The following DTD2 variants were observed in gnomAD, a reference collection of about 807,000 sequenced individuals.
DTD2 encodes the protein D-tyrosyl-tRNA deacylase 2 (putative).
Under a neutral mutation model 15.5 loss-of-function variants are expected in DTD2, and 12 were observed. That is an observed-to-expected ratio of 0.77 (90% CI 0.50 to 1.25). The LOEUF is 1.25. DTD2 is among the 50% of genes most tolerant of loss of function. The pLI is 0.00. For missense variants in DTD2, 170 were observed against 201.1 expected, an observed-to-expected ratio of 0.85 and a Z score of 0.93; for synonymous variants, 59 against 77.3, an observed-to-expected ratio of 0.76 and a Z score of 1.24.
intron 1 of DTD2, 91 bp from the exon 2 acceptor site, chr14:31,453,435 A>G: frequency 9.3e-7 from 1 of 1,073,154 alleles, no homozygotes; most frequent in Non-Finnish European, 1.4e-6. Context: ...TATTAATATT[A>G]TAGACATAGA....
In DTD2 at chr14:31,453,327, C is replaced by CT; in HGVS notation, c.128_129insA (p.Ile44AspfsTer10). The CT allele has an allele frequency of 6.2e-7, 1 of 1,614,020 alleles. No homozygotes were observed. Among genetic ancestry groups the CT allele is most frequent in the South Asian group, 1.1e-5 (1 of 91,086 alleles). On this transcript the variant is annotated frameshift_variant, in exon 2 of 3. Coordinates refer to ENST00000310850, the MANE Select transcript of DTD2 (RefSeq NM_080664.3). LOFTEE classifies it high-confidence loss of function. ...CTCCCTTGAAAAAGCACACGTAGAT[C>CT]ACCAGTCCTCTTTGGACCTATGAGA...
At chr14:31,457,231 A>G (rs1299322961) in intron 1 of DTD2, 52 bp downstream of exon 1, 3 of 1,512,900 alleles carry the variant, frequency 2.0e-6, no homozygotes, top group African/African-American at 2.8e-5. Flanking sequence ...ACAACGCGGA[A>G]AAAACCGCCC....
intron 1 of DTD2, among the ~76,000 whole-genome samples, chr14:31,454,878 A>G (rs2032078053): frequency 6.6e-6 from 1 of 152,264 alleles, no homozygotes; most frequent in African/African-American, 2.4e-5. Context: ...AAAGTTCTAA[A>G]TGAATGAAAC....
intron 2 of DTD2, among the ~76,000 whole-genome samples, chr14:31,451,754 A>G (rs1002436280): frequency 6.6e-6 from 1 of 152,184 alleles, no homozygotes; most frequent in African/African-American, 2.4e-5. Flanking sequence ...GCCCATTTGT[A>G]TAATTAATAT....
intron 2 of DTD2, among the ~76,000 whole-genome samples, chr14:31,448,663 CATG>C (rs2031992310): frequency 1.3e-5 from 2 of 152,132 alleles, no homozygotes; most frequent in Non-Finnish European, 1.5e-5. Context: ...CAGAAAATGG[CATG>C]ATATTTTAAA....
chr14:31,454,009 T>G (rs2032069216), intron 1 of DTD2, among the ~76,000 whole-genome samples: 1 of 152,220 alleles, frequency 6.6e-6, no homozygotes, highest in South Asian at 2.1e-4. Flanking sequence ...CTTGGATATT[T>G]CTTAGATCTT....
rs904499470 is a variant in DTD2 at position 31,446,363 on chromosome 14, G to C, written c.*1766C>G. ...AAAAAAGTATTTTCAACTCAAGTCAGAGGAGTTTGCCAAAACTGAATATTA... is the reference window on the plus strand; with the variant it reads ...AAAAAAGTATTTTCAACTCAAGTCACAGGAGTTTGCCAAAACTGAATATTA... On this transcript the variant is annotated 3_prime_UTR_variant, in exon 3 of 3. Coordinates refer to ENST00000310850, the MANE Select transcript of DTD2 (RefSeq NM_080664.3). The C allele has an allele frequency of 2.4e-4, 37 of 151,922 alleles. No homozygotes were observed. The highest frequency in any genetic ancestry group is 3.3e-4 in the Admixed American group (5 of 15,248). 9.4% of individuals were successfully genotyped at this position (151,922 alleles called of 1,614,324 possible).
At chr14:31,449,304 A>G (rs2032002343) in intron 2 of DTD2, among the ~76,000 whole-genome samples, 1 of 152,242 alleles carries the variant, frequency 6.6e-6, no homozygotes, top group Non-Finnish European at 1.5e-5. Context: ...CAATCCCAAT[A>G]TAAACCAGCT....
rs12432479 is a variant in DTD2, at chr14:31,454,305, C to T, written c.112-961G>A. Among the ~76,000 whole-genome samples the T allele has an allele frequency of 9.9e-4, 150 of 152,268 alleles. 1 individual carries two copies. Among genetic ancestry groups the T allele is most frequent in the Middle Eastern group, 3.4e-3 (1 of 294 alleles). ...AGCACTTTACAGGCTGTTTTGTACA[C>T]GATAGGGATTCAGTTTATCTGTTGA... On this transcript the variant is annotated intron_variant, in intron 1 of 2. Transcript: ENST00000310850.
At chr14:31,448,997 G>A (rs888260630) in intron 2 of DTD2, among the ~76,000 whole-genome samples, 2 of 152,132 alleles carry the variant, frequency 1.3e-5, no homozygotes, top group African/African-American at 4.8e-5. Context: ...GGGTTCAAGC[G>A]ATTCTCCTGC....
Position 31,453,493 on chromosome 14 carries a change from A to G in DTD2, c.112-149T>C, listed in dbSNP as rs1241362778. 4 of 610,432 alleles carry G rather than the reference A, an allele frequency of 6.6e-6. No individual in the cohort carries two copies. The African/African-American group carries it at 7.4e-5, about 11-fold the overall frequency. The allele number at this position is 610,432 out of a possible 1,614,324, so 37.8% of individuals were successfully genotyped here. ...CTTTACAAAAGATTTCTCATGTGAG[A>G]AAACAAAATATTTTTCAATTTTCAA... On this transcript the variant is annotated intron_variant, in intron 1 of 2. Transcript: ENST00000310850.
At chr14:31,450,130 T>C (rs548162981) in intron 2 of DTD2, among the ~76,000 whole-genome samples, 14 of 152,280 alleles carry the variant, frequency 9.2e-5, no homozygotes, top group Admixed American at 3.3e-4. Flanking sequence ...ACAGAGTAAA[T>C]AGGCAATTTT....
intron 2 of DTD2, among the ~76,000 whole-genome samples, chr14:31,451,449 C>T (rs570527500): frequency 5.4e-4 from 82 of 151,168 alleles, no homozygotes; most frequent in African/African-American, 1.9e-3. Context: ...CGCCTGGCCT[C>T]TCTCTCTCTC....
At chr14:31,457,229 G>GA (rs892934621) in intron 1 of DTD2, 54 bp downstream of exon 1, 118 of 1,506,588 alleles carry the variant, frequency 7.8e-5, no homozygotes, top group Non-Finnish European at 1.0e-4. Flanking sequence ...AGACAACGCG[G>GA]AAAAAACCGC....
At chr14:31,457,259 C>G (rs761679506) in intron 1 of DTD2, 24 bp downstream of exon 1, 1 of 1,547,928 alleles carries the variant, frequency 6.5e-7, no homozygotes, top group Non-Finnish European at 8.7e-7. Context: ...CGGAGGATAA[C>G]GAGAGCTGCC....
chr14:31,450,888 T>G (rs2139361221), intron 2 of DTD2, among the ~76,000 whole-genome samples: 1 of 152,336 alleles, frequency 6.6e-6, no homozygotes, highest in Non-Finnish European at 1.5e-5. Flanking sequence ...ACATGTGGTT[T>G]GGATATGATA....
In DTD2 at chr14:31,457,397, T is replaced by G. The variant is rs1185667399; in HGVS notation, c.-4A>C. The G allele has an allele frequency of 1.5e-5, 23 of 1,501,404 alleles. No homozygotes were observed. Among genetic ancestry groups the G allele is most frequent in the Non-Finnish European group, 2.1e-5 (23 of 1,121,472 alleles). 93.0% of individuals were successfully genotyped at this position (1,501,404 alleles called of 1,614,324 possible). The stretch of plus-strand genomic sequence containing the variant: ...GAATCCGGCTACCCTCAGCCATGGC[T>G]TAAGCCAGCGCCGCGGCCGGACAGT... On this transcript the variant is annotated 5_prime_UTR_variant, in exon 1 of 3. Coordinates refer to ENST00000310850, the MANE Select transcript of DTD2 (RefSeq NM_080664.3).
chr14:31,457,413 G>C lies in DTD2; in HGVS notation c.-20C>G. 6.8e-7 allele frequency: 1 copy of C among 1,464,152 alleles called. No homozygotes were observed. Among genetic ancestry groups the C allele is most frequent in the South Asian group, 1.4e-5 (1 of 73,954 alleles). The allele number at this position is 1,464,152 out of a possible 1,614,324, so 90.7% of individuals were successfully genotyped here. On this transcript the variant is annotated 5_prime_UTR_variant, in exon 1 of 3. Transcript: ENST00000310850. ...AGCCATGGCTTAAGCCAGCGCCGCGGCCGGACAGTTACTAGGCCATGTGTC... is the reference window on the plus strand; with the variant it reads ...AGCCATGGCTTAAGCCAGCGCCGCGCCCGGACAGTTACTAGGCCATGTGTC...
chr14:31,457,196 GAC>G, intron 1 of DTD2, 85 bp downstream of exon 1: 2 of 1,250,948 alleles, frequency 1.6e-6, no homozygotes, highest in Non-Finnish European at 2.2e-6. Flanking sequence ...CTCAGAGGGA[GAC>G]ACAGAGCGGA....
Sources: allele counts gnomAD v4.1 joint callset (sites outside exome capture counted in the v4.1 genomes callset), GRCh38; gene constraint gnomAD v4.1.1; transcripts MANE v1.5; gene names NCBI Gene and HGNC (gene_info 2026-07-23, HGNC 2026-07-21).